Variants in MTMR14 observed in about 807,000 individuals in gnomAD.
MTMR14 encodes phosphatidylinositol-3,5-bisphosphate 3-phosphatase MTMR14.
Under a neutral mutation model 86.3 loss-of-function variants are expected in MTMR14, and 48 were observed. That is an observed-to-expected ratio of 0.56 (90% CI 0.44 to 0.71). MTMR14 has a LOEUF of 0.71. MTMR14 is among the 30% of genes least tolerant of loss of function. MTMR14 has a pLI of 0.00. For synonymous variants in MTMR14, 366 were observed against 326.1 expected, an observed-to-expected ratio of 1.12 and a Z score of -1.32; for missense variants, 780 against 834.6, an observed-to-expected ratio of 0.93 and a Z score of 0.81.
intron 13 of MTMR14, among the ~76,000 whole-genome samples, chr3:9,685,915 C>A (rs550821836): frequency 9.9e-5 from 15 of 152,250 alleles, no homozygotes; most frequent in African/African-American, 3.6e-4. Context: ...CCTGGGTGAC[C>A]TTGGGTGGTC....
chr3:9,672,919 A>G (rs1046535831), intron 7 of MTMR14, among the ~76,000 whole-genome samples, 161 bp downstream of exon 7: 8 of 152,170 alleles, frequency 5.3e-5, no homozygotes, highest in African/African-American at 9.7e-5. Context: ...AGGCCACACT[A>G]AGCATAGGAT....
intron 17 of MTMR14, among the ~76,000 whole-genome samples, chr3:9,696,152 G>C (rs994017520): frequency 6.6e-6 from 1 of 152,184 alleles, no homozygotes; most frequent in African/African-American, 2.4e-5. Context: ...GTTTTCCCTG[G>C]TCCCAAGGTG....
intron 13 of MTMR14, among the ~76,000 whole-genome samples, chr3:9,685,859 G>A (rs888624974): frequency 6.6e-6 from 1 of 152,140 alleles, no homozygotes. Context: ...TGCAATGCAG[G>A]TCTGGAGTCG....
chr3:9,666,822 A>G (rs746265477), intron 3 of MTMR14, among the ~76,000 whole-genome samples: 9 of 152,194 alleles, frequency 5.9e-5, no homozygotes, highest in Non-Finnish European at 1.0e-4. Context: ...GAGAGCATTC[A>G]GGGTAGATCT....
At chr3:9,700,126 C>G (rs2076407632) in intron 18 of MTMR14, 1 of 152,256 alleles carries the variant, frequency 6.6e-6, no homozygotes, top group African/African-American at 2.4e-5. Context: ...ATACTTACCT[C>G]AGGACTGTCA....
chr3:9,694,850 A>G (rs976030038), intron 17 of MTMR14, among the ~76,000 whole-genome samples: 15 of 152,180 alleles, frequency 9.9e-5, no homozygotes, highest in African/African-American at 3.6e-4. Flanking sequence ...GCCGGTAGGA[A>G]CTGCAGCTCT....
chr3:9,657,214 G>C (rs1413954043), intron 2 of MTMR14, among the ~76,000 whole-genome samples: 1 of 152,096 alleles, frequency 6.6e-6, no homozygotes, highest in African/African-American at 2.4e-5. Context: ...CAACAGAGTG[G>C]TTCTTTTCTA....
intron 5 of MTMR14, 42 bp from the exon 6 acceptor site, chr3:9,671,006 T>C: frequency 1.2e-6 from 2 of 1,613,506 alleles, no homozygotes; most frequent in Non-Finnish European, 1.7e-6. Flanking sequence ...CTCCTGTGAG[T>C]GAACATGCCA....
At chr3:9,687,176 C>A (rs1041102667) in intron 13 of MTMR14, among the ~76,000 whole-genome samples, 2 of 152,220 alleles carry the variant, frequency 1.3e-5, no homozygotes, top group Non-Finnish European at 2.9e-5. Flanking sequence ...CCCTGGGAAT[C>A]TTAGAAGAGG....
rs549200998 is a variant in MTMR14 at position 9,684,475 on chromosome 3, G to A, written c.965-110G>A. 4,604 of 1,001,456 alleles carry A rather than the reference G, an allele frequency of 4.6e-3. 22 individuals are homozygous for A. Among genetic ancestry groups the A allele is most frequent in the Non-Finnish European group, 5.8e-3 (3,627 of 621,170 alleles). The allele number at this position is 1,001,456 out of a possible 1,614,324, so 62.0% of individuals were successfully genotyped here. A position where few individuals can be genotyped will look rare whatever the true frequency, so the allele number is the denominator to read the frequency against. On this transcript the variant is annotated intron_variant, in intron 10 of 18. Transcript: ENST00000296003. Reference sequence around the variant, plus strand: ...CATGGGGAGGCCACTGGGGAAGACAGAAGCTGGTGGGGCCTGGCTCCCTCC... The same window carrying A: ...CATGGGGAGGCCACTGGGGAAGACAAAAGCTGGTGGGGCCTGGCTCCCTCC...
At chr3:9,689,464 G>A (rs1011692578) in intron 16 of MTMR14, among the ~76,000 whole-genome samples, 1 of 152,104 alleles carries the variant, frequency 6.6e-6, no homozygotes, top group Non-Finnish European at 1.5e-5. Flanking sequence ...GGAACTTGAG[G>A]GTCAGCTCCT....
In MTMR14 at chr3:9,669,412, CAG is replaced by C. The variant is rs1351556148; in HGVS notation, c.494-18_494-17del. On this transcript the variant is annotated intron_variant, in intron 4 of 18. Coordinates refer to ENST00000296003, the MANE Select transcript of MTMR14 (RefSeq NM_001077525.3). ...CCTGGGTCACCAGCCTCAGTACTGA[CAG>C]ATAGGTTTCTCTGGCAGGGGGTGCA... 6.2e-7 allele frequency: 1 copy of C among 1,613,350 alleles called. No homozygotes were observed. Among genetic ancestry groups the C allele is most frequent in the African/African-American group, 1.3e-5 (1 of 74,904 alleles).
chr3:9,670,671 A>AG (rs1246031005), intron 5 of MTMR14, among the ~76,000 whole-genome samples: 1 of 151,870 alleles, frequency 6.6e-6, no homozygotes. Context: ...GGGGAAAAGG[A>AG]GGGGGTGGAA....
At chr3:9,669,520 G>A in intron 5 of MTMR14, 28 bp downstream of exon 5, 1 of 1,605,752 alleles carries the variant, frequency 6.2e-7, no homozygotes, top group Middle Eastern at 1.7e-4. Flanking sequence ...GTGGTCAGGG[G>A]CTTGTGTTGG....
intron 17 of MTMR14, among the ~76,000 whole-genome samples, chr3:9,690,672 C>T (rs2076111016): frequency 6.6e-6 from 1 of 152,186 alleles, no homozygotes; most frequent in South Asian, 2.1e-4. Context: ...AGGAATGGTG[C>T]CTCCTGGGTG....
Position 9,649,646 on chromosome 3 carries a change from C to G in MTMR14, c.63C>G (p.Asn21Lys), listed in dbSNP as rs569175683. 5.7e-6 allele frequency: 9 copies of G among 1,578,830 alleles called. No homozygotes were observed. The highest frequency in any genetic ancestry group is 7.7e-6 in the Non-Finnish European group (9 of 1,163,366). Residue 21 changes from asparagine (N) to lysine (K), a missense_variant, in exon 1 of 19, where the codon AAC becomes AAG. Physicochemically the swap from Asn to Lys is moderately conservative, Grantham distance 94. Transcript: ENST00000296003. ...CGGGGTCCTCGGCCTCTTCAGGCAA[C>G]CAGCCGCCTCAGGAGCTGGGGCTTG... ...ASAGSSASSG[N>K]QPPQELGLGE...
intron 9 of MTMR14, among the ~76,000 whole-genome samples, chr3:9,680,219 A>G (rs1419753282): frequency 1.3e-5 from 2 of 151,952 alleles, no homozygotes; most frequent in African/African-American, 4.8e-5. Context: ...TGCTCCCACC[A>G]CATCCATCAC....
At chr3:9,697,487 A>G (rs960975571) in intron 17 of MTMR14, among the ~76,000 whole-genome samples, 2 of 151,942 alleles carry the variant, frequency 1.3e-5, no homozygotes, top group Admixed American at 1.3e-4. Context: ...TTGCTTCCAC[A>G]GTAAGTCTGC....
At chr3:9,694,531 TTGGGATGGAC>T (rs900368337) in intron 17 of MTMR14, among the ~76,000 whole-genome samples, 17 of 151,316 alleles carry the variant, frequency 1.1e-4, no homozygotes, top group South Asian at 4.2e-4. Context: ...GATGGATGGA[TTGGGATGGAC>T]TGGGATGGAC....
Sources: allele counts gnomAD v4.1 joint callset (sites outside exome capture counted in the v4.1 genomes callset), GRCh38; gene constraint gnomAD v4.1.1; transcripts MANE v1.5; gene names NCBI Gene and HGNC (gene_info 2026-07-23, HGNC 2026-07-21).